AP3B1: variants seen among roughly 807,000 people sequenced by gnomAD.
AP3B1 encodes AP-3 complex subunit beta-1.
AP3B1 carries 61 observed loss-of-function variants against 132.5 expected under a neutral mutation model. The ratio of observed to expected loss-of-function variants is 0.46; its 90% confidence interval spans 0.37 to 0.57. The LOEUF (loss-of-function observed/expected upper bound fraction) is 0.57. AP3B1 is among the 20% of genes least tolerant of loss of function. The pLI is 0.00. For missense variants in AP3B1, 1,120 were observed against 1,289.4 expected, an observed-to-expected ratio of 0.87 and a Z score of 2.01; for synonymous variants, 388 against 438.3, an observed-to-expected ratio of 0.89 and a Z score of 1.43.
intron 13 of AP3B1, among the ~76,000 whole-genome samples, chr5:78,157,995 C>T (rs550692484): frequency 2.6e-5 from 4 of 152,272 alleles, no homozygotes; most frequent in East Asian, 3.9e-4. Flanking sequence ...ATGATCCACC[C>T]GCCTTGGCCT....
chr5:78,152,451 C>G (rs918510601), intron 14 of AP3B1, among the ~76,000 whole-genome samples: 2 of 151,998 alleles, frequency 1.3e-5, no homozygotes, highest in African/African-American at 4.8e-5. Context: ...TCTAGATTAT[C>G]CAACTTACTG....
intron 7 of AP3B1, among the ~76,000 whole-genome samples, chr5:78,184,472 G>A (rs1335072359): frequency 6.6e-6 from 1 of 151,834 alleles, no homozygotes; most frequent in Non-Finnish European, 1.5e-5. Context: ...GGATCACGAG[G>A]TCAGGAGATT....
At chr5:78,039,808 A>G (rs1271120759) in intron 22 of AP3B1, among the ~76,000 whole-genome samples, 1 of 151,176 alleles carries the variant, frequency 6.6e-6, no homozygotes, top group Non-Finnish European at 1.5e-5. Flanking sequence ...GAAAAGAAAA[A>G]AAAAAGAAAT....
At chr5:78,015,294 G>GTATA (rs140159268) in intron 26 of AP3B1, 116 bp downstream of exon 26, 76 of 1,040,802 alleles carry the variant, frequency 7.3e-5, no homozygotes, top group Middle Eastern at 6.3e-4. Context: ...GGGAGTGTGT[G>GTATA]TATATATATA....
intron 5 of AP3B1, 114 bp from the exon 6 acceptor site, chr5:78,225,722 T>C: frequency 1.5e-6 from 1 of 655,832 alleles, no homozygotes; most frequent in Non-Finnish European, 2.7e-6. Flanking sequence ...GAGCAAGAAT[T>C]ATAAGTTAGA....
At chr5:78,135,295 T>C (rs1014995889) in intron 15 of AP3B1, among the ~76,000 whole-genome samples, 1 of 152,170 alleles carries the variant, frequency 6.6e-6, no homozygotes, top group Non-Finnish European at 1.5e-5. Flanking sequence ...CATATCCATA[T>C]TTCAAAAACA....
intron 7 of AP3B1, among the ~76,000 whole-genome samples, chr5:78,191,540 C>T: frequency 6.6e-6 from 1 of 152,008 alleles, no homozygotes; most frequent in East Asian, 1.9e-4. Context: ...AAATCTATGT[C>T]TTGGGGAGTA....
chr5:78,040,001 T>C (rs1473623683), intron 22 of AP3B1, among the ~76,000 whole-genome samples: 1 of 152,012 alleles, frequency 6.6e-6, no homozygotes, highest in Non-Finnish European at 1.5e-5. Flanking sequence ...TTGGGTGTTT[T>C]AGCCAACTAC....
At position 78,128,034 on chromosome 5, in the gene AP3B1, T is replaced by A. The variant is rs756613085; in HGVS notation, c.1964A>T (p.Glu655Val). 3.7e-6 allele frequency: 6 copies of A among 1,612,606 alleles called. No homozygotes were observed. The African/African-American group carries it at 8.0e-5, about 22-fold the overall frequency. The change falls in exon 17 of 27, where the codon GAG becomes GTG. Residue 655 changes from glutamate (E) to valine (V), a missense_variant. This residue lies in a region of AP3B1 where 906 missense variants were observed against 997.1 expected (regional missense o/e 0.91). Transcript: ENST00000255194. The stretch of plus-strand genomic sequence containing the variant: ...ATTTCAGAAAGGTCAACTTACCAAC[T>A]CTATTACTTCTACATTTCGAACTGA... ...DPSVRNVEVIELAKEWTPAGK... is the reference protein window; with the variant it reads ...DPSVRNVEVIVLAKEWTPAGK...
At chr5:78,080,267 C>T (rs1749936101) in intron 22 of AP3B1, among the ~76,000 whole-genome samples, 1 of 152,162 alleles carries the variant, frequency 6.6e-6, no homozygotes, top group Non-Finnish European at 1.5e-5. Flanking sequence ...CCTCAGCCTC[C>T]CAAAGTGCTG....
chr5:78,027,932 C>T (rs1199745777), intron 24 of AP3B1, among the ~76,000 whole-genome samples: 1 of 152,080 alleles, frequency 6.6e-6, no homozygotes, highest in Non-Finnish European at 1.5e-5. Context: ...TCAAGACCAG[C>T]CTGGCCAACA....
intron 2 of AP3B1, among the ~76,000 whole-genome samples, chr5:78,249,579 CTTT>C (rs71301504): frequency 2.9e-5 from 3 of 105,070 alleles, no homozygotes; most frequent in Admixed American, 2.2e-4. Flanking sequence ...TTTTCTTTTT[CTTT>C]TTTTTTTTTT....
chr5:78,128,826 G>T (rs1392180300), intron 16 of AP3B1, among the ~76,000 whole-genome samples: 1 of 151,920 alleles, frequency 6.6e-6, no homozygotes, highest in East Asian at 1.9e-4. Context: ...AAAGAGAAAT[G>T]AAGTCATTAT....
intron 7 of AP3B1, among the ~76,000 whole-genome samples, chr5:78,214,424 C>T (rs188751048): frequency 3.2e-3 from 480 of 152,130 alleles, no homozygotes; most frequent in Middle Eastern, 0.017. Flanking sequence ...GATTTTACTA[C>T]GGGTTACATA....
chr5:78,014,487 G>C (rs1052323714), intron 26 of AP3B1, among the ~76,000 whole-genome samples: 3 of 152,194 alleles, frequency 2.0e-5, no homozygotes, highest in Admixed American at 6.5e-5. Context: ...ATTAGTGGCA[G>C]AGTTAGATCT....
At chr5:78,248,654 C>T (rs1243067640) in intron 2 of AP3B1, among the ~76,000 whole-genome samples, 5 of 152,050 alleles carry the variant, frequency 3.3e-5, no homozygotes, top group African/African-American at 9.7e-5. Flanking sequence ...GTCCTTTATA[C>T]GTATTTACCA....
chr5:78,289,997 T>C (rs1303327171), intron 1 of AP3B1, among the ~76,000 whole-genome samples: 1 of 152,214 alleles, frequency 6.6e-6, no homozygotes, highest in Non-Finnish European at 1.5e-5. Flanking sequence ...AGATCTAAAG[T>C]GTCACTACCT....
At chr5:78,290,706 T>A (rs1749476572) in intron 1 of AP3B1, among the ~76,000 whole-genome samples, 2 of 152,054 alleles carry the variant, frequency 1.3e-5, no homozygotes, top group African/African-American at 2.4e-5. Context: ...TCCAGCACCT[T>A]GGGAGGATGA....
chr5:78,073,903 C>A (rs1203456386), intron 22 of AP3B1, among the ~76,000 whole-genome samples: 1 of 152,094 alleles, frequency 6.6e-6, no homozygotes, highest in African/African-American at 2.4e-5. Context: ...CTCTTTAATC[C>A]TTCAATTTCT....
Sources: gnomAD v4.1 joint callset for allele counts (sites outside exome capture counted in the v4.1 genomes callset) on GRCh38, gnomAD v4.1.1 for gene constraint, gnomAD v4.1.1 regional missense constraint, MANE v1.5 for transcripts, NCBI Gene and HGNC (gene_info 2026-07-23, HGNC 2026-07-21) for gene names.